The following ACSM1 variants were observed in gnomAD, a reference collection of about 807,000 sequenced individuals.
ACSM1 encodes the protein acyl-coenzyme A synthetase ACSM1, mitochondrial.
In ACSM1, 79 loss-of-function variants were observed where a neutral mutation model predicts 75.8. The ratio of observed to expected loss-of-function variants is 1.04; its 90% CI spans 0.87 to 1.26. ACSM1 has a LOEUF of 1.26. ACSM1 is among the 50% of genes most tolerant of loss of function. The pLI is 0.00. For missense variants in ACSM1, 676 were observed against 720.1 expected, an observed-to-expected ratio of 0.94 and a Z score of 0.70; for synonymous variants, 279 against 265.8, an observed-to-expected ratio of 1.05 and a Z score of -0.48.
chr16:20,660,599 T>C (rs932197385), intron 7 of ACSM1, among the ~76,000 whole-genome samples: 10 of 152,210 alleles, frequency 6.6e-5, no homozygotes, highest in Non-Finnish European at 1.2e-4. Context: ...GGCTGTCATA[T>C]GAGCTTTGAA....
chr16:20,679,795 T>A (rs923369579), intron 4 of ACSM1: 1 of 152,330 alleles, frequency 6.6e-6, no homozygotes, highest in East Asian at 1.9e-4. Flanking sequence ...GCTATATGTA[T>A]GTTATGACCC....
intron 2 of ACSM1, among the ~76,000 whole-genome samples, chr16:20,685,820 A>AT: frequency 1.4e-5 from 1 of 72,014 alleles, no homozygotes; most frequent in Non-Finnish European, 3.7e-5. Context: ...ACTCCGTCTC[A>AT]AAAAAAAAAA....
intron 11 of ACSM1, 48 bp from the exon 12 acceptor site, chr16:20,625,570 A>G: frequency 3.3e-6 from 5 of 1,537,454 alleles, no homozygotes; most frequent in Non-Finnish European, 4.5e-6. Flanking sequence ...GGGGTGAACC[A>G]AGTCCCCAGA....
intron 11 of ACSM1, 58 bp from the exon 12 acceptor site, chr16:20,625,580 A>C: frequency 6.7e-7 from 1 of 1,496,934 alleles, no homozygotes; most frequent in Non-Finnish European, 9.2e-7. Context: ...AAGTCCCCAG[A>C]TCTCCTGCTT....
rs548610914 is a variant in ACSM1, at chr16:20,650,682, C to T, written c.993-10098G>A. Among the ~76,000 whole-genome samples, 8 of 150,252 alleles carry T rather than the reference C, an allele frequency of 5.3e-5. No homozygotes were observed. In the East Asian group the frequency reaches 1.6e-3, roughly 29 times the overall value. ...CTCCTCTTAAGAAAAAAAAAAAAAG[C>T]AGGAAACAAAATCTAAGAATAAGGA... On this transcript the variant is annotated intron_variant, in intron 7 of 13. Coordinates refer to ENST00000520010, the MANE Select transcript of ACSM1 (RefSeq NM_001318890.3).
chr16:20,635,594 TTC>T (rs1491253944), intron 10 of ACSM1, among the ~76,000 whole-genome samples: 4 of 26,014 alleles, frequency 1.5e-4, no homozygotes, highest in African/African-American at 1.2e-3. Context: ...CTTTCTTTCT[TTC>T]TTTCTTTCTT....
intron 7 of ACSM1, among the ~76,000 whole-genome samples, chr16:20,659,036 T>C (rs1425445115): frequency 1.3e-5 from 2 of 152,154 alleles, no homozygotes; most frequent in Non-Finnish European, 2.9e-5. Context: ...ATGATAGACA[T>C]TTTCTTGTAA....
chr16:20,691,911 C>T (rs1474362085), intron 1 of ACSM1, among the ~76,000 whole-genome samples: 1 of 151,976 alleles, frequency 6.6e-6, no homozygotes, highest in African/African-American at 2.4e-5. Flanking sequence ...AGCCCCCCTA[C>T]AGGCGAGAAT....
intron 1 of ACSM1, among the ~76,000 whole-genome samples, chr16:20,693,101 C>T (rs1390612735): frequency 1.3e-5 from 2 of 150,662 alleles, no homozygotes; most frequent in Middle Eastern, 3.4e-3. Context: ...ACCTGGGAGT[C>T]GGAGGTTGCA....
At chr16:20,680,080 G>A (rs1414303573) in intron 4 of ACSM1, 2 of 152,176 alleles carry the variant, frequency 1.3e-5, no homozygotes, top group African/African-American at 4.8e-5. Context: ...ACATTCAGTG[G>A]TCCACACTAA....
chr16:20,652,257 TTATTATTTGATATTAA>T (rs1227680311), intron 7 of ACSM1, among the ~76,000 whole-genome samples: 1 of 152,124 alleles, frequency 6.6e-6, no homozygotes, highest in African/African-American at 2.4e-5. Context: ...GGATTTAAGG[TTATTATTTGATATTAA>T]GTTTCTGGGT....
chr16:20,664,437 C>T (rs1001872208), intron 6 of ACSM1, among the ~76,000 whole-genome samples: 1 of 152,118 alleles, frequency 6.6e-6, no homozygotes. Flanking sequence ...ATAAATGGTT[C>T]AGTTCGACAA....
At chr16:20,623,912 TGAG>T (rs1456093015) in intron 13 of ACSM1, among the ~76,000 whole-genome samples, 181 bp downstream of exon 13, 1 of 152,192 alleles carries the variant, frequency 6.6e-6, no homozygotes, top group Non-Finnish European at 1.5e-5. Flanking sequence ...GGTGGCAGAA[TGAG>T]GAGATGTGGA....
At chr16:20,669,211 T>C (rs1233619225) in intron 6 of ACSM1, among the ~76,000 whole-genome samples, 1 of 152,152 alleles carries the variant, frequency 6.6e-6, no homozygotes, top group Non-Finnish European at 1.5e-5. Context: ...GAGTGTTTTC[T>C]ATGTGCTAAT....
intron 6 of ACSM1, among the ~76,000 whole-genome samples, chr16:20,667,399 CAT>C (rs1201324753): frequency 1.3e-5 from 2 of 152,070 alleles, no homozygotes; most frequent in Non-Finnish European, 2.9e-5. Context: ...ATCCAACAAA[CAT>C]ATGAAAAAAT....
At chr16:20,624,951 C>T (rs543371349) in intron 12 of ACSM1, among the ~76,000 whole-genome samples, 4 of 152,006 alleles carry the variant, frequency 2.6e-5, no homozygotes, top group African/African-American at 4.8e-5. Flanking sequence ...GAACTCCTGA[C>T]CTCAGGTGAT....
At chr16:20,677,952 T>TC (rs1487657650) in intron 4 of ACSM1, among the ~76,000 whole-genome samples, 2 of 151,754 alleles carry the variant, frequency 1.3e-5, no homozygotes, top group African/African-American at 4.9e-5. Flanking sequence ...GTATAGGCCT[T>TC]AAAAGATGTG....
intron 7 of ACSM1, among the ~76,000 whole-genome samples, chr16:20,650,454 A>T (rs1017719184): frequency 6.6e-6 from 1 of 152,072 alleles, no homozygotes; most frequent in African/African-American, 2.4e-5. Flanking sequence ...ACAAAAATTA[A>T]TTTAAAATTG....
intron 4 of ACSM1, chr16:20,679,043 C>A (rs1234507295): frequency 6.6e-6 from 1 of 152,258 alleles, no homozygotes; most frequent in South Asian, 2.1e-4. Flanking sequence ...AGACCCAGTA[C>A]ACCCTTTCAA....
Sources: allele counts gnomAD v4.1 joint callset (sites outside exome capture counted in the v4.1 genomes callset), GRCh38; gene constraint gnomAD v4.1.1; transcripts MANE v1.5; gene names NCBI Gene and HGNC (gene_info 2026-07-23, HGNC 2026-07-21).